The following CDH13 variants were observed in gnomAD, a reference collection of about 807,000 sequenced individuals.
The protein encoded by CDH13 is cadherin 13, also known as cadherin-13.
A neutral mutation model predicts 63.8 loss-of-function variants in CDH13; 24 were observed. That is an observed-to-expected ratio of 0.38 (90% CI 0.27 to 0.53). The LOEUF is 0.53. Among genes scored for constraint, CDH13 ranks in the 20% least tolerant of loss-of-function variants. The pLI is 0.85. For synonymous variants in CDH13, 503 were observed against 355.3 expected, an observed-to-expected ratio of 1.42 and a Z score of -4.67; for missense variants, 1,049 against 903.1, an observed-to-expected ratio of 1.16 and a Z score of -2.07.
chr16:83,226,229 A>T (rs2039833349), intron 5 of CDH13, among the ~76,000 whole-genome samples: 1 of 152,194 alleles, frequency 6.6e-6, no homozygotes, highest in Non-Finnish European at 1.5e-5. Flanking sequence ...TGTCAGGTGC[A>T]GCTGGCGAAA....
In CDH13 at chr16:82,627,131, G is replaced by A; in HGVS notation, c.39G>A (p.Leu13=). ...PRTPLVLCVL[L]SQVLLLTSAE... is the part of the protein sequence containing the mutation. ...CTCCGCTCGTTCTGTGCGTTCTCCT[G>A]TCCCAGGTAGGGAAGAGGGGCTGCC... The change falls in exon 1 of 14, where the codon CTG becomes CTA. Residue 13 remains leucine, a synonymous_variant. Coordinates refer to ENST00000567109, the MANE Select transcript of CDH13 (RefSeq NM_001257.5). The A allele has an allele frequency of 6.2e-7, 1 of 1,607,138 alleles. No homozygotes were observed. The highest frequency in any genetic ancestry group is 1.7e-5 in the Admixed American group (1 of 59,244).
At chr16:82,816,836 A>T (rs1318683014) in intron 1 of CDH13, among the ~76,000 whole-genome samples, 2 of 151,644 alleles carry the variant, frequency 1.3e-5, no homozygotes, top group East Asian at 2.0e-4. Flanking sequence ...ATGACTCATC[A>T]TCTCATCTCT....
intron 6 of CDH13, among the ~76,000 whole-genome samples, chr16:83,455,055 G>C (rs1198424381): frequency 1.3e-5 from 2 of 152,148 alleles, no homozygotes; most frequent in Non-Finnish European, 2.9e-5. Flanking sequence ...AATTTTCAAA[G>C]TAATCTTTAA....
At chr16:82,911,064 G>A (rs984054482) in intron 2 of CDH13, among the ~76,000 whole-genome samples, 1 of 152,178 alleles carries the variant, frequency 6.6e-6, no homozygotes, top group Non-Finnish European at 1.5e-5. Context: ...CACCTGGGCT[G>A]TAGCTCCCAC....
intron 6 of CDH13, among the ~76,000 whole-genome samples, chr16:83,476,732 G>C (rs969508135): frequency 1.5e-4 from 23 of 152,068 alleles, no homozygotes; most frequent in African/African-American, 4.8e-4. Flanking sequence ...GTGTCCTTTT[G>C]TTGTTTTTAA....
intron 5 of CDH13, among the ~76,000 whole-genome samples, chr16:83,244,486 A>G (rs1009254877): frequency 3.3e-5 from 5 of 152,158 alleles, no homozygotes; most frequent in African/African-American, 1.2e-4. Context: ...GGTGTTTAAC[A>G]TACATTCTCT....
chr16:83,069,880 T>G (rs1429288335), intron 3 of CDH13, among the ~76,000 whole-genome samples: 1 of 152,206 alleles, frequency 6.6e-6, no homozygotes, highest in East Asian at 1.9e-4. Context: ...TTGAACTAAA[T>G]GTTGATTCTT....
At position 82,928,021 on chromosome 16, in the gene CDH13, C is replaced by G. The variant is rs1295811923; in HGVS notation, c.157+69548C>G. Among the ~76,000 whole-genome samples the G allele has an allele frequency of 3.9e-5, 6 of 152,136 alleles. No individual in the cohort carries two copies. The East Asian group carries it at 1.2e-3, about 29-fold the overall frequency. ...AGCTATGTTTTTGCTGTGTATCTCT[C>G]ATGCTTTTCATGCATTGTGATGGGG... On this transcript the variant is annotated intron_variant, in intron 2 of 13. Coordinates refer to ENST00000567109, the MANE Select transcript of CDH13 (RefSeq NM_001257.5).
At chr16:83,062,839 A>G (rs2031678324) in intron 3 of CDH13, among the ~76,000 whole-genome samples, 1 of 152,178 alleles carries the variant, frequency 6.6e-6, no homozygotes, top group South Asian at 2.1e-4. Context: ...GCTAGGCTGG[A>G]AAATCCAAGA....
chr16:83,460,299 G>C (rs2073141576), intron 6 of CDH13, among the ~76,000 whole-genome samples: 1 of 152,202 alleles, frequency 6.6e-6, no homozygotes, highest in African/African-American at 2.4e-5. Flanking sequence ...TGTTCAGAGA[G>C]TAAATTTGTA....
At position 83,596,407 on chromosome 16, in the gene CDH13, C is replaced by A. The variant is rs1567793841; in HGVS notation, c.961-6047C>A. The stretch of plus-strand genomic sequence containing the variant: ...TCTTTTCAGAATCCAGTTGTCCCAG[C>A]TTGAATTAGGGAGTTACCTGTGAAT... On this transcript the variant is annotated intron_variant, in intron 7 of 13. Transcript: ENST00000567109. Among the ~76,000 whole-genome samples the A allele has an allele frequency of 2.0e-5, 3 of 146,882 alleles. No individual in the cohort carries two copies. In the South Asian group the frequency reaches 6.5e-4, roughly 32 times the overall value.
chr16:82,715,404 T>A (rs2032290861), intron 1 of CDH13, among the ~76,000 whole-genome samples: 1 of 152,132 alleles, frequency 6.6e-6, no homozygotes, highest in Non-Finnish European at 1.5e-5. Context: ...TGGTTTCTGC[T>A]TGCACCTTAT....
chr16:82,807,071 T>C (rs2037180936), intron 1 of CDH13, among the ~76,000 whole-genome samples: 1 of 150,440 alleles, frequency 6.6e-6, no homozygotes, highest in Admixed American at 6.6e-5. Context: ...TATAAGCTTT[T>C]GCAGTTGGGA....
intron 6 of CDH13, among the ~76,000 whole-genome samples, chr16:83,363,798 CG>C (rs1018870217): frequency 6.6e-6 from 1 of 152,042 alleles, no homozygotes; most frequent in African/African-American, 2.4e-5. Context: ...GCTGAGTGGG[CG>C]TGCTCCTCCT....
At chr16:83,746,920 A>G (rs182003920) in intron 10 of CDH13, among the ~76,000 whole-genome samples, 3 of 152,342 alleles carry the variant, frequency 2.0e-5, no homozygotes, top group Admixed American at 6.5e-5. Context: ...ACATTTTAAA[A>G]TCTTGGATGG....
intron 1 of CDH13, among the ~76,000 whole-genome samples, chr16:82,785,116 C>T (rs879740165): frequency 1.3e-5 from 2 of 152,132 alleles, no homozygotes; most frequent in Admixed American, 6.5e-5. Context: ...GAGGGTACTG[C>T]AGTCTTTCAG....
chr16:83,591,583 GC>G (rs1375676415), intron 7 of CDH13, among the ~76,000 whole-genome samples: 2 of 152,136 alleles, frequency 1.3e-5, no homozygotes, highest in African/African-American at 4.8e-5. Flanking sequence ...CCCTGTTGCA[GC>G]CTGATGTCTC....
chr16:83,077,767 G>C (rs769240025), intron 3 of CDH13, among the ~76,000 whole-genome samples: 4 of 152,154 alleles, frequency 2.6e-5, no homozygotes, highest in Non-Finnish European at 5.9e-5. Context: ...CTCATATTGA[G>C]TGTTATCAGA....
intron 5 of CDH13, among the ~76,000 whole-genome samples, chr16:83,327,683 A>C (rs1001434397): frequency 7.2e-5 from 11 of 152,218 alleles, no homozygotes; most frequent in Non-Finnish European, 1.6e-4. Context: ...ATGAGTAATG[A>C]GAAGGAGTTA....
Sources: allele counts gnomAD v4.1 joint callset (sites outside exome capture counted in the v4.1 genomes callset), GRCh38; gene constraint gnomAD v4.1.1; transcripts MANE v1.5; gene names NCBI Gene and HGNC (gene_info 2026-07-23, HGNC 2026-07-21).